Variants in CFAP276 observed in about 807,000 individuals in gnomAD.
CFAP276 encodes cilia and flagella associated protein 276.
the CFAP276 span, among the ~76,000 whole-genome samples, chr1:109,108,206 G>T: frequency 7.5e-3 from 1,137 of 152,120 alleles, 14 homozygotes; most frequent in African/African-American, 0.026. Context: ...GCAGTGGCGA[G>T]ATCTCGGCTC....
the CFAP276 span, among the ~76,000 whole-genome samples, chr1:109,107,714 C>A: frequency 7.0e-6 from 1 of 143,762 alleles, no homozygotes; most frequent in East Asian, 2.3e-4. Context: ...CATATCGAGA[C>A]CTCATCTCTT....
the CFAP276 span, chr1:109,106,779 T>C: frequency 8.1e-7 from 1 of 1,229,610 alleles, no homozygotes; most frequent in East Asian, 2.3e-5. Flanking sequence ...TTTACCTCTG[T>C]GGGATTAACC....
the CFAP276 span, among the ~76,000 whole-genome samples, chr1:109,109,531 ACC>A: frequency 1.5e-5 from 2 of 132,710 alleles, no homozygotes; most frequent in African/African-American, 6.0e-5. Context: ...TGTGAGCCAT[ACC>A]TTTTTTTTTT....
the CFAP276 span, among the ~76,000 whole-genome samples, chr1:109,113,406 GAGAGAGAGAA>G: frequency 1.9e-4 from 24 of 124,778 alleles, no homozygotes; most frequent in African/African-American, 5.4e-4. Flanking sequence ...GAGAGAGAGA[GAGAGAGAGAA>G]AGAGAGAGAG....
chr1:109,110,711 C>T, the CFAP276 span, among the ~76,000 whole-genome samples: 23 of 152,300 alleles, frequency 1.5e-4, no homozygotes, highest in Admixed American at 3.9e-4. Context: ...ATAGCTCATA[C>T]GGATACACAG....
the CFAP276 span, among the ~76,000 whole-genome samples, chr1:109,110,732 C>T: frequency 5.9e-5 from 9 of 152,222 alleles, no homozygotes; most frequent in Non-Finnish European, 1.2e-4. Flanking sequence ...CTCAGTCATA[C>T]ATCTTCAATC....
chr1:109,113,416 A>G, the CFAP276 span, among the ~76,000 whole-genome samples: 3,829 of 67,244 alleles, frequency 0.057, 216 homozygotes, highest in East Asian at 0.15. Context: ...GAGAGAGAGA[A>G]AGAGAGAGAG....
chr1:109,112,765 T>C, the CFAP276 span: 1 of 1,518,756 alleles, frequency 6.6e-7, no homozygotes, highest in South Asian at 1.2e-5. Context: ...CGGGTCCCAA[T>C]TGTTTGGAGC....
the CFAP276 span, among the ~76,000 whole-genome samples, chr1:109,111,749 C>T: frequency 6.6e-6 from 1 of 152,176 alleles, no homozygotes; most frequent in Non-Finnish European, 1.5e-5. Context: ...CACATTCTAT[C>T]CACTCCCTCA....
the CFAP276 span, chr1:109,112,770 T>G: frequency 6.6e-7 from 1 of 1,508,736 alleles, no homozygotes; most frequent in South Asian, 1.3e-5. Flanking sequence ...CCCAATTGTT[T>G]GGAGCGCTGG....
the CFAP276 span, chr1:109,112,485 A>C: frequency 7.2e-7 from 1 of 1,394,558 alleles, no homozygotes; most frequent in Non-Finnish European, 9.5e-7. Flanking sequence ...CTTCCCTGGT[A>C]CCCGACTGAG....
chr1:109,106,034 G>T, the CFAP276 span: 3 of 1,613,002 alleles, frequency 1.9e-6, no homozygotes, highest in East Asian at 4.5e-5. Flanking sequence ...AACACTAGGT[G>T]GAGAAGAAGC....
At chr1:109,111,477 A>AAAG in the CFAP276 span, among the ~76,000 whole-genome samples, 1 of 151,556 alleles carries the variant, frequency 6.6e-6, no homozygotes, top group Non-Finnish European at 1.5e-5. Flanking sequence ...TGTCTCAAAA[A>AAAG]AAAAAAAATA....
At chr1:109,108,418 C>T in the CFAP276 span, among the ~76,000 whole-genome samples, 2 of 152,194 alleles carry the variant, frequency 1.3e-5, no homozygotes. Flanking sequence ...GCTCAGATTA[C>T]AGGTATGAGC....
At chr1:109,112,160 A>G in the CFAP276 span, among the ~76,000 whole-genome samples, 1,528 of 152,336 alleles carry the variant, frequency 0.01, 28 homozygotes, top group African/African-American at 0.035. Context: ...AAACACACAC[A>G]TAACAAACAT....
the CFAP276 span, chr1:109,112,666 CG>C: frequency 1.7e-5 from 26 of 1,550,398 alleles, no homozygotes; most frequent in South Asian, 2.9e-4. Flanking sequence ...GAAAGGGTCC[CG>C]GGTGGGAGGC....
the CFAP276 span, chr1:109,106,558 A>T: frequency 6.2e-7 from 1 of 1,613,866 alleles, no homozygotes; most frequent in East Asian, 2.2e-5. Flanking sequence ...GATGCTGTGG[A>T]TGGACTCCTT....
chr1:109,106,496 C>G, the CFAP276 span: 1 of 1,606,172 alleles, frequency 6.2e-7, no homozygotes, highest in Non-Finnish European at 8.5e-7. Flanking sequence ...AAAGACTCCC[C>G]CACTGCCCCA....
At chr1:109,106,032 G>A in the CFAP276 span, 3 of 1,612,894 alleles carry the variant, frequency 1.9e-6, no homozygotes, top group Non-Finnish European at 2.5e-6. Flanking sequence ...TCAACACTAG[G>A]TGGAGAAGAA....
Sources: allele counts gnomAD v4.1 joint callset (sites outside exome capture counted in the v4.1 genomes callset), GRCh38; gene constraint gnomAD v4.1.1; transcripts MANE v1.5; gene names NCBI Gene and HGNC (gene_info 2026-07-23, HGNC 2026-07-21).